Variants in HCN1 observed in about 807,000 individuals in gnomAD.
HCN1 encodes the protein potassium/sodium hyperpolarization-activated cyclic nucleotide-gated channel 1.
In HCN1, 13 loss-of-function variants were observed where a neutral mutation model predicts 78.9. That is an observed-to-expected ratio of 0.16 (90% CI 0.11 to 0.26). The LOEUF (loss-of-function observed/expected upper bound fraction) is 0.26, where lower values mean the gene tolerates loss of function less well. Ranked by LOEUF, HCN1 falls within the 10% of genes least tolerant of loss-of-function variation. The pLI is 1.00. For synonymous variants in HCN1, 552 were observed against 455.5 expected, an observed-to-expected ratio of 1.21 and a Z score of -2.70; for missense variants, 810 against 1,154.3, an observed-to-expected ratio of 0.70 and a Z score of 4.32.
intron 6 of HCN1, among the ~76,000 whole-genome samples, chr5:45,288,199 A>G (rs918658378): frequency 2.6e-5 from 4 of 151,998 alleles, no homozygotes; most frequent in African/African-American, 9.7e-5. Flanking sequence ...CTATCCACGA[A>G]AAAAAGTGGC....
intron 6 of HCN1, among the ~76,000 whole-genome samples, chr5:45,276,997 T>A (rs1274607575): frequency 5.3e-5 from 8 of 152,010 alleles, no homozygotes. Context: ...CTTGACAGGA[T>A]CATAAGTATT....
At chr5:45,507,539 GAA>G (rs1267858697) in intron 2 of HCN1, among the ~76,000 whole-genome samples, 1 of 151,882 alleles carries the variant, frequency 6.6e-6, no homozygotes, top group Non-Finnish European at 1.5e-5. Flanking sequence ...AACTATGATG[GAA>G]AAAATAAAAA....
At chr5:45,640,155 A>T (rs1449438328) in intron 2 of HCN1, among the ~76,000 whole-genome samples, 1 of 152,178 alleles carries the variant, frequency 6.6e-6, no homozygotes, top group Non-Finnish European at 1.5e-5. Flanking sequence ...ATTTGCTCAC[A>T]TCTGCTTTTC....
intron 2 of HCN1, among the ~76,000 whole-genome samples, chr5:45,608,519 T>C (rs980842416): frequency 2.2e-4 from 34 of 151,814 alleles, no homozygotes; most frequent in Non-Finnish European, 3.7e-4. Flanking sequence ...ATGCTTAATA[T>C]AAGGCTACAG....
chr5:45,628,623 A>G (rs1745215883), intron 2 of HCN1, among the ~76,000 whole-genome samples: 2 of 152,196 alleles, frequency 1.3e-5, no homozygotes, highest in African/African-American at 4.8e-5. Context: ...GGTTTGATAA[A>G]TAAAAAGACT....
At chr5:45,674,968 A>G (rs981128639) in intron 1 of HCN1, among the ~76,000 whole-genome samples, 20 of 151,774 alleles carry the variant, frequency 1.3e-4, no homozygotes, top group Admixed American at 4.6e-4. Flanking sequence ...ATGCATATAT[A>G]AGTACTTACT....
intron 2 of HCN1, among the ~76,000 whole-genome samples, chr5:45,497,323 A>G (rs574750092): frequency 1.3e-5 from 2 of 152,060 alleles, no homozygotes; most frequent in Non-Finnish European, 2.9e-5. Context: ...CCCATTATTA[A>G]TGTGTGGGAG....
At chr5:45,426,005 G>A (rs971732556) in intron 3 of HCN1, among the ~76,000 whole-genome samples, 1 of 152,180 alleles carries the variant, frequency 6.6e-6, no homozygotes, top group African/African-American at 2.4e-5. Flanking sequence ...CTGTGGGAAT[G>A]AGAAGATAGG....
chr5:45,430,158 C>G (rs1169365145), intron 3 of HCN1, among the ~76,000 whole-genome samples: 1 of 152,104 alleles, frequency 6.6e-6, no homozygotes, highest in Non-Finnish European at 1.5e-5. Flanking sequence ...AATTATCTGT[C>G]TTACAATTAG....
chr5:45,541,350 C>T (rs188335886), intron 2 of HCN1, among the ~76,000 whole-genome samples: 11 of 152,276 alleles, frequency 7.2e-5, no homozygotes, highest in East Asian at 1.9e-4. Flanking sequence ...ACTTGCCATG[C>T]GCTGCATAGT....
chr5:45,299,617 A>C (rs1376751414), intron 6 of HCN1, among the ~76,000 whole-genome samples: 3 of 151,952 alleles, frequency 2.0e-5, no homozygotes, highest in Non-Finnish European at 4.4e-5. Context: ...CAATTGAATT[A>C]GATGAACTGA....
intron 3 of HCN1, among the ~76,000 whole-genome samples, chr5:45,410,685 T>C (rs1051184578): frequency 1.3e-5 from 2 of 152,064 alleles, no homozygotes; most frequent in Non-Finnish European, 2.9e-5. Flanking sequence ...TAGAACTTTG[T>C]TTATTGATTA....
At chr5:45,641,321 T>C (rs1278251743) in intron 2 of HCN1, among the ~76,000 whole-genome samples, 1 of 152,212 alleles carries the variant, frequency 6.6e-6, no homozygotes, top group African/African-American at 2.4e-5. Context: ...ATTTCCTTAT[T>C]ACTGCTCTGT....
Position 45,373,371 on chromosome 5 carries a change from T to G in HCN1, c.1231-20125A>C, listed in dbSNP as rs1198899720. Among the ~76,000 whole-genome samples, 9 of 117,858 alleles carry G rather than the reference T, an allele frequency of 7.6e-5. No individual in the cohort carries two copies. The South Asian group carries it at 2.2e-3, about 29-fold the overall frequency. The allele number at this position is 117,858 out of a possible 152,430, so 77.3% of individuals were successfully genotyped here. ...AATATATATTTATAAATATAATATA[T>G]ATTTTATATAATATATGTAAATATA... On this transcript the variant is annotated intron_variant, in intron 4 of 7. Transcript: ENST00000303230.
intron 3 of HCN1, among the ~76,000 whole-genome samples, chr5:45,452,840 C>T (rs1740950544): frequency 6.6e-6 from 1 of 151,844 alleles, no homozygotes; most frequent in Non-Finnish European, 1.5e-5. Flanking sequence ...AAACAACAAA[C>T]ACTTCAAAAA....
At chr5:45,438,292 A>G (rs1281335559) in intron 3 of HCN1, among the ~76,000 whole-genome samples, 1 of 152,180 alleles carries the variant, frequency 6.6e-6, no homozygotes, top group African/African-American at 2.4e-5. Flanking sequence ...GTTGATACAG[A>G]ATGGCTAAGA....
chr5:45,582,537 G>T (rs1744104129), intron 2 of HCN1, among the ~76,000 whole-genome samples: 1 of 151,972 alleles, frequency 6.6e-6, no homozygotes, highest in South Asian at 2.1e-4. Flanking sequence ...GATTGCCCTG[G>T]CCAGAACTTC....
intron 2 of HCN1, among the ~76,000 whole-genome samples, chr5:45,540,935 A>G (rs1743091153): frequency 6.6e-6 from 1 of 152,176 alleles, no homozygotes; most frequent in Non-Finnish European, 1.5e-5. Flanking sequence ...ATGAGGTGAG[A>G]GTATGTATTC....
At chr5:45,321,399 C>A (rs1430893514) in intron 5 of HCN1, among the ~76,000 whole-genome samples, 1 of 151,408 alleles carries the variant, frequency 6.6e-6, no homozygotes, top group East Asian at 1.9e-4. Flanking sequence ...AAAGTATTGC[C>A]AAGGCTACAG....
Sources: gnomAD v4.1 joint callset for allele counts (sites outside exome capture counted in the v4.1 genomes callset) on GRCh38, gnomAD v4.1.1 for gene constraint, MANE v1.5 for transcripts, NCBI Gene and HGNC (gene_info 2026-07-23, HGNC 2026-07-21) for gene names.